The following PRKCE variants were observed in gnomAD, a reference collection of about 807,000 sequenced individuals.
PRKCE encodes protein kinase C epsilon, also known as protein kinase C epsilon type.
Under a neutral mutation model 85.4 loss-of-function variants are expected in PRKCE, and 16 were observed. That is an observed-to-expected ratio of 0.19 (90% CI 0.13 to 0.28). The LOEUF is 0.28. Among genes scored for constraint, PRKCE ranks in the 10% least tolerant of loss-of-function variants. The pLI, the probability that PRKCE is intolerant of heterozygous loss-of-function variation, is 1.00. For synonymous variants in PRKCE, 388 were observed against 371.5 expected, an observed-to-expected ratio of 1.04 and a Z score of -0.51; for missense variants, 573 against 975.2, an observed-to-expected ratio of 0.59 and a Z score of 5.49.
At chr2:46,021,224 A>C (rs1358433977) in intron 10 of PRKCE, among the ~76,000 whole-genome samples, 1 of 152,094 alleles carries the variant, frequency 6.6e-6, no homozygotes, top group African/African-American at 2.4e-5. Context: ...GAGGAAGACA[A>C]CCTTGTGAGG....
intron 2 of PRKCE, among the ~76,000 whole-genome samples, chr2:45,876,992 C>T (rs1449330952): frequency 6.6e-6 from 1 of 152,112 alleles, no homozygotes; most frequent in East Asian, 1.9e-4. Flanking sequence ...TGGAAATTAC[C>T]ATTTAAGTAT....
At chr2:45,847,797 C>T (rs944145804) in intron 2 of PRKCE, among the ~76,000 whole-genome samples, 1 of 152,190 alleles carries the variant, frequency 6.6e-6, no homozygotes, top group African/African-American at 2.4e-5. Flanking sequence ...AAATATAAAG[C>T]CAAAGTTCTT....
rs1049773640 is a variant in PRKCE, at chr2:46,068,327, C to G, written c.1438-17881C>G. 6.6e-6 allele frequency among the ~76,000 whole-genome samples: 1 copy of G among 152,160 alleles called. No homozygotes were observed. On this transcript the variant is annotated intron_variant, in intron 10 of 14. Coordinates refer to ENST00000306156, the MANE Select transcript of PRKCE (RefSeq NM_005400.3). This position sits in a 1 kb window ranked among gnomAD's most constrained non-coding sequence, Gnocchi z 4.3. ...TGCCCTGGGAAACAAGACAATAAAACAGTGTTGAATTAGGTTTTCTAGAGT... is the reference window on the plus strand; with the variant it reads ...TGCCCTGGGAAACAAGACAATAAAAGAGTGTTGAATTAGGTTTTCTAGAGT...
chr2:45,700,899 G>C (rs1020785591), intron 1 of PRKCE, among the ~76,000 whole-genome samples: 1 of 152,150 alleles, frequency 6.6e-6, no homozygotes. Flanking sequence ...CTGTGCTCCC[G>C]TAAACCAAGG....
chr2:46,035,254 A>G (rs1448564822), intron 10 of PRKCE, among the ~76,000 whole-genome samples: 1 of 152,248 alleles, frequency 6.6e-6, no homozygotes, highest in Non-Finnish European at 1.5e-5. Context: ...ATACCTCTAG[A>G]GAAACATCAG....
At chr2:45,730,658 C>T (rs1377208680) in intron 1 of PRKCE, among the ~76,000 whole-genome samples, 3 of 151,826 alleles carry the variant, frequency 2.0e-5, no homozygotes, top group Non-Finnish European at 4.4e-5. Context: ...CAGGGTTTCA[C>T]CCCATTGGCC....
rs769313874 is a variant in PRKCE, at chr2:45,744,549, T to TCTTCCTTC, written c.348+92121_348+92128dup. Among the ~76,000 whole-genome samples the TCTTCCTTC allele has an allele frequency of 2.9e-3, 242 of 84,136 alleles. 11 individuals are homozygous for TCTTCCTTC. In the East Asian group the frequency reaches 0.068, roughly 24 times the overall value. The allele number at this position is 84,136 out of a possible 152,430, so 55.2% of individuals were successfully genotyped here. ...CTTTTTCTTTCCTTCTTTCTTTCTT[T>TCTTCCTTC]CTTCCTTCCTTCCTTCCTTCCTTCC... On this transcript the variant is annotated intron_variant, in intron 1 of 14. Transcript: ENST00000306156.
At chr2:46,166,941 T>C (rs994108087) in intron 14 of PRKCE, 8 of 152,308 alleles carry the variant, frequency 5.3e-5, no homozygotes, top group African/African-American at 1.7e-4. Context: ...TAGTGAGCCA[T>C]GTTCATGCCA....
intron 2 of PRKCE, among the ~76,000 whole-genome samples, chr2:45,848,161 G>A (rs1431707737): frequency 6.6e-6 from 1 of 152,088 alleles, no homozygotes; most frequent in Non-Finnish European, 1.5e-5. Flanking sequence ...CATATCGACG[G>A]GTTCTCTCAG....
At chr2:45,939,130 C>G (rs1699696184) in intron 2 of PRKCE, among the ~76,000 whole-genome samples, 1 of 152,200 alleles carries the variant, frequency 6.6e-6, no homozygotes, top group Admixed American at 6.5e-5. Flanking sequence ...AAAACCAAAA[C>G]CAAACATTAT....
At chr2:46,062,425 G>A (rs1026644695) in intron 10 of PRKCE, among the ~76,000 whole-genome samples, 1 of 152,122 alleles carries the variant, frequency 6.6e-6, no homozygotes, top group Non-Finnish European at 1.5e-5. Flanking sequence ...CCCTTAGGAA[G>A]CCATGAGAAG....
intron 1 of PRKCE, among the ~76,000 whole-genome samples, chr2:45,756,944 G>T (rs544488951): frequency 6.6e-6 from 1 of 152,196 alleles, no homozygotes; most frequent in South Asian, 2.1e-4. Flanking sequence ...ACTTATCAAG[G>T]TTTACTCTTA....
At chr2:45,862,288 A>C (rs1693229127) in intron 2 of PRKCE, among the ~76,000 whole-genome samples, 1 of 151,618 alleles carries the variant, frequency 6.6e-6, no homozygotes, top group South Asian at 2.1e-4. Context: ...TACCAGGACT[A>C]CTTCCATTTC....
intron 1 of PRKCE, among the ~76,000 whole-genome samples, chr2:45,762,550 T>C (rs1684590850): frequency 6.6e-6 from 1 of 152,164 alleles, no homozygotes; most frequent in Non-Finnish European, 1.5e-5. Context: ...TGGATCAAAA[T>C]GGCATCTTGT....
chr2:46,154,632 T>A (rs1213442017), intron 13 of PRKCE, among the ~76,000 whole-genome samples: 2 of 152,042 alleles, frequency 1.3e-5, no homozygotes, highest in Non-Finnish European at 2.9e-5. Context: ...CCTCTGGCAT[T>A]GGGCGGCTGC....
chr2:45,816,719 T>TGCATGGCCCTAGCCCCATGGATC (rs997994899), intron 1 of PRKCE, among the ~76,000 whole-genome samples: 2 of 152,172 alleles, frequency 1.3e-5, no homozygotes, highest in Non-Finnish European at 2.9e-5. Flanking sequence ...AGCGCCACCC[T>TGCATGGCCCTAGCCCCATGGATC]GCATGGCCCT....
Position 45,717,430 on chromosome 2 carries a change from C to T in PRKCE, c.348+64982C>T, listed in dbSNP as rs1284437371. ...CCATCTATTTATCTATACATGGGCA[C>T]ATGCATGTAAACATAGATAAGTATG... On this transcript the variant is annotated intron_variant, in intron 1 of 14. Coordinates refer to ENST00000306156, the MANE Select transcript of PRKCE (RefSeq NM_005400.3). 2.0e-5 allele frequency among the ~76,000 whole-genome samples: 3 copies of T among 152,232 alleles called. 1 individual carries two copies. The highest frequency in any genetic ancestry group is 1.9e-4 in the East Asian group (1 of 5,198).
rs1401360980 is a variant in PRKCE, at chr2:46,015,327, G to C, written c.1437+4810G>C. 4.4e-4 allele frequency among the ~76,000 whole-genome samples: 67 copies of C among 152,026 alleles called. 1 individual carries two copies. The highest frequency in any genetic ancestry group is 4.3e-3 in the Admixed American group (66 of 15,258). ...TTGTTGAAACCATTCTCTCCAACAG[G>C]ATCCCACAAAACCTGTCTTGAATAA... On this transcript the variant is annotated intron_variant, in intron 10 of 14. Transcript: ENST00000306156.
At chr2:45,863,106 G>A (rs1023273892) in intron 2 of PRKCE, among the ~76,000 whole-genome samples, 4 of 152,102 alleles carry the variant, frequency 2.6e-5, no homozygotes, top group African/African-American at 7.2e-5. Flanking sequence ...AGTTTGTCCT[G>A]TTAGTGTGTG....
Sources: allele counts gnomAD v4.1 joint callset (sites outside exome capture counted in the v4.1 genomes callset), GRCh38; gene constraint gnomAD v4.1.1; non-coding constraint Gnocchi (gnomAD v3.1); transcripts MANE v1.5; gene names NCBI Gene and HGNC (gene_info 2026-07-23, HGNC 2026-07-21).